The following DMD variants were observed in gnomAD, a reference collection of about 807,000 sequenced individuals.
DMD encodes the protein mutant dystrophin.
DMD carries 63 observed loss-of-function variants against 330.1 expected under a neutral mutation model. That is an observed-to-expected ratio of 0.19 (90% CI 0.16 to 0.24). DMD has a LOEUF of 0.24. Among genes scored for constraint, DMD ranks in the 10% least tolerant of loss-of-function variants. The pLI, the probability that DMD is intolerant of heterozygous loss-of-function variation, is 1.00. For synonymous variants in DMD, 1,223 were observed against 959.8 expected, an observed-to-expected ratio of 1.27 and a Z score of -5.07; for missense variants, 3,344 against 2,684.1, an observed-to-expected ratio of 1.25 and a Z score of -5.43.
intron 44 of DMD, among the ~76,000 whole-genome samples, chrX:32,180,073 C>T (rs1456741): frequency 0.43 from 47,996 of 110,636 alleles, 8,317 homozygotes; most frequent in Admixed American, 0.57. Flanking sequence ...GATTTTTTCT[C>T]GATTGATGTC....
rs192261651 is a variant in DMD at position 33,284,235 on chromosome X, T to C, written c.7+55024A>G. On this transcript the variant is annotated intron_variant, in intron 1 of 17. Coordinates refer to the DMD transcript ENST00000288447. The stretch of plus-strand genomic sequence containing the variant: ...CACACTGCGTAAGCCTTTCTATAGA[T>C]GTTTTAGCCAAGATCAAGACTGTCT... Among the ~76,000 whole-genome samples, 103 of 111,128 alleles carry C rather than the reference T, an allele frequency of 9.3e-4. 1 individual carries two copies. Among genetic ancestry groups the C allele is most frequent in the Non-Finnish European group, 1.6e-3 (83 of 53,074 alleles).
intron 29 of DMD, among the ~76,000 whole-genome samples, chrX:32,433,606 A>G (rs1266529166): frequency 1.8e-5 from 2 of 111,128 alleles, no homozygotes; most frequent in Non-Finnish European, 3.8e-5. Context: ...TGAACCCGGG[A>G]GGAGGAGGTT....
chrX:31,885,598 A>T (rs1311203997), intron 47 of DMD, among the ~76,000 whole-genome samples: 2 of 83,722 alleles, frequency 2.4e-5, no homozygotes, highest in African/African-American at 9.3e-5. Flanking sequence ...CGACAGAGCG[A>T]GACTCCGTCT....
rs1286028417 is a variant in DMD at position 32,833,190 on chromosome X, T to C, written c.265-9803A>G. ...AAATTTCCTCTATATTTCAGATATG[T>C]TTATGATCACTCTGATACATTGCAG... On this transcript the variant is annotated intron_variant, in intron 4 of 78. Coordinates refer to ENST00000357033, the MANE Select transcript of DMD (RefSeq NM_004006.3). 2.7e-5 allele frequency among the ~76,000 whole-genome samples: 3 copies of C among 111,569 alleles called. No homozygotes were observed. In the Admixed American group the frequency reaches 2.9e-4, roughly 11 times the overall value.
chrX:33,142,021 A>G (rs964001834), intron 1 of DMD, among the ~76,000 whole-genome samples: 2 of 112,862 alleles, frequency 1.8e-5, no homozygotes, highest in African/African-American at 6.4e-5. Flanking sequence ...GAAATGCCTA[A>G]GCAACCCTTA....
chrX:33,259,233 A>G (rs1469022698), intron 1 of DMD, among the ~76,000 whole-genome samples: 4 of 110,280 alleles, frequency 3.6e-5, no homozygotes, highest in Non-Finnish European at 7.6e-5. Flanking sequence ...TTTCTCATAT[A>G]CCATCTAGCC....
chrX:32,825,374 T>C (rs1449263412), intron 4 of DMD, among the ~76,000 whole-genome samples: 1 of 111,046 alleles, frequency 9.0e-6, no homozygotes, highest in African/African-American at 3.3e-5. Context: ...AAAGGTCTCA[T>C]AAGGTCCAAT....
intron 54 of DMD, among the ~76,000 whole-genome samples, chrX:31,648,663 A>T (rs1034035468): frequency 1.8e-4 from 17 of 95,759 alleles, no homozygotes; most frequent in African/African-American, 6.3e-4. Context: ...AAAAAAAAAA[A>T]ATCTGCTATT....
chrX:31,710,989 T>C (rs1323529472), intron 52 of DMD, among the ~76,000 whole-genome samples: 4 of 111,103 alleles, frequency 3.6e-5, no homozygotes, highest in Admixed American at 9.6e-5. Context: ...TTTACCCATA[T>C]TCTAAACATT....
chrX:32,640,663 A>C (rs1026489719), intron 11 of DMD, among the ~76,000 whole-genome samples: 13 of 111,320 alleles, frequency 1.2e-4, no homozygotes, highest in Admixed American at 3.8e-4. Flanking sequence ...GGTTTTTAAA[A>C]TAACTAAATG....
At chrX:31,829,360 C>T (rs939119425) in intron 49 of DMD, among the ~76,000 whole-genome samples, 5 of 110,292 alleles carry the variant, frequency 4.5e-5, no homozygotes, top group Admixed American at 3.9e-4. Flanking sequence ...ACCACCTATA[C>T]CCCCAAAACT....
At chrX:33,180,843 C>CTT (rs3990972) in intron 1 of DMD, among the ~76,000 whole-genome samples, 2,896 of 84,717 alleles carry the variant, frequency 0.034, 160 homozygotes, top group African/African-American at 0.12. Flanking sequence ...TGTCTAAGAG[C>CTT]TTTTTTTTTT....
intron 4 of DMD, among the ~76,000 whole-genome samples, chrX:32,833,699 A>G (rs1287907164): frequency 1.8e-5 from 2 of 108,614 alleles, no homozygotes; most frequent in Non-Finnish European, 3.8e-5. Context: ...AAGTAAAAAA[A>G]AAAAAAAAAA....
At chrX:32,536,598 G>C (rs1023183065) in intron 17 of DMD, among the ~76,000 whole-genome samples, 1 of 112,170 alleles carries the variant, frequency 8.9e-6, no homozygotes, top group Non-Finnish European at 1.9e-5. Context: ...TAAATCAACT[G>C]AGTCACTGAA....
intron 44 of DMD, among the ~76,000 whole-genome samples, chrX:32,067,716 A>G (rs1288229957): frequency 2.7e-5 from 3 of 111,755 alleles, no homozygotes; most frequent in Non-Finnish European, 5.7e-5. Flanking sequence ...ATAGTATTTT[A>G]TGGTGTATGT....
chrX:31,767,749 A>AAG (rs1201185472), intron 51 of DMD, among the ~76,000 whole-genome samples: 1 of 112,240 alleles, frequency 8.9e-6, no homozygotes, highest in Non-Finnish European at 1.9e-5. Flanking sequence ...ATTTTGACTG[A>AAG]ATCTATTCAC....
chrX:31,575,971 A>G (rs1287395082), intron 55 of DMD, among the ~76,000 whole-genome samples: 5 of 112,118 alleles, frequency 4.5e-5, no homozygotes, highest in Non-Finnish European at 9.4e-5. Flanking sequence ...GCCACTAGTT[A>G]CAGAGAAAAA....
At chrX:32,816,408 G>A (rs2077765305) in intron 6 of DMD, 60 bp downstream of exon 6, 1 of 1,158,660 alleles carries the variant, frequency 8.6e-7, no homozygotes, top group Non-Finnish European at 1.2e-6. Context: ...GGAAAAATAT[G>A]TCATCAGAGT....
In DMD at chrX:32,992,906, C is replaced by CAAAAA. The variant is rs34177386; in HGVS notation, c.93+27228_93+27232dup. ...GGGCAACAAAAGCCAAGCTCTGTCT[C>CAAAAA]AAAAAAAAAAAAAAAAAAAAACTGT... On this transcript the variant is annotated intron_variant, in intron 2 of 78. Transcript: ENST00000357033. Among the ~76,000 whole-genome samples, 42 of 35,504 alleles carry CAAAAA rather than the reference C, an allele frequency of 1.2e-3. 1 individual carries two copies. Among genetic ancestry groups the CAAAAA allele is most frequent in the African/African-American group, 3.5e-3 (40 of 11,441 alleles). The allele number at this position is 35,504 out of a possible 115,157, so 30.8% of individuals were successfully genotyped here. A position where few individuals can be genotyped will look rare whatever the true frequency, so the allele number is the denominator to read the frequency against.
Sources: gnomAD v4.1 joint callset for allele counts (sites outside exome capture counted in the v4.1 genomes callset) on GRCh38, gnomAD v4.1.1 for gene constraint, MANE v1.5 for transcripts, NCBI Gene and HGNC (gene_info 2026-07-23, HGNC 2026-07-21) for gene names.